AFAP1: variants seen among roughly 807,000 people sequenced by gnomAD.
The protein encoded by AFAP1 is actin filament associated protein 1.
AFAP1 carries 75 observed loss-of-function variants against 93.9 expected under a neutral mutation model. The observed-to-expected ratio is 0.80, with a 90% CI of 0.66 to 0.97. The LOEUF is 0.97. Ranked by LOEUF, AFAP1 falls within the 50% of genes least tolerant of loss-of-function variation. AFAP1 has a pLI of 0.00. For synonymous variants in AFAP1, 517 were observed against 430.7 expected (o/e 1.20, Z -2.48); for missense variants, 1,201 against 1,050.8 (o/e 1.14, Z -1.98).
intron 6 of AFAP1, among the ~76,000 whole-genome samples, chr4:7,834,939 T>C (rs4328916): frequency 0.21 from 30,561 of 144,858 alleles, 2,025 homozygotes; most frequent in African/African-American, 0.3. Flanking sequence ...TGGGTGGCTC[T>C]TGAATGGACT....
chr4:7,806,734 T>C (rs1257063081), intron 9 of AFAP1, among the ~76,000 whole-genome samples: 1 of 152,224 alleles, frequency 6.6e-6, no homozygotes, highest in Non-Finnish European at 1.5e-5. Flanking sequence ...ATGACAGCTT[T>C]AAAATCTTGT....
intron 12 of AFAP1, among the ~76,000 whole-genome samples, chr4:7,785,105 A>T (rs903850746): frequency 6.6e-6 from 1 of 152,184 alleles, no homozygotes; most frequent in Non-Finnish European, 1.5e-5. Context: ...TCCTTCATTC[A>T]TCTGCTAACT....
At chr4:7,844,674 C>T (rs888262368) in intron 4 of AFAP1, among the ~76,000 whole-genome samples, 9 of 152,180 alleles carry the variant, frequency 5.9e-5, no homozygotes, top group Non-Finnish European at 1.2e-4. Flanking sequence ...TAGAAGGAAG[C>T]GCGTTAAATG....
intron 6 of AFAP1, among the ~76,000 whole-genome samples, chr4:7,827,568 C>CAAAAAAAAAAAAAAAAAAAA (rs1560183870): frequency 7.5e-5 from 1 of 13,392 alleles, no homozygotes; most frequent in African/African-American, 7.3e-4. Flanking sequence ...AACTCTGTCT[C>CAAAAAAAAAAAAAAAAAAAA]CAAAAAAAAA....
At chr4:7,882,999 A>C (rs951774061) in intron 1 of AFAP1, among the ~76,000 whole-genome samples, 2 of 152,044 alleles carry the variant, frequency 1.3e-5, no homozygotes, top group African/African-American at 2.4e-5. Flanking sequence ...AGCCCAGACA[A>C]CATGGTAAAA....
chr4:7,855,047 G>A (rs1034068896), intron 4 of AFAP1, among the ~76,000 whole-genome samples: 3 of 152,186 alleles, frequency 2.0e-5, no homozygotes, highest in African/African-American at 7.2e-5. Context: ...TGTTTGTGCT[G>A]TACCCAATTA....
At position 7,872,071 on chromosome 4, in the gene AFAP1, T is replaced by A; in HGVS notation, c.8A>T (p.Glu3Val). Reference protein sequence around the residue: MEELIVELRLFLE... With the variant: MEVLIVELRLFLE... ...AAAGAGACGAAGTTCAACTATTAACTCTTCCATTGCTGACAACAAAAGAGG... is the reference window on the plus strand; with the variant it reads ...AAAGAGACGAAGTTCAACTATTAACACTTCCATTGCTGACAACAAAAGAGG... The change falls in exon 2 of 18, where the codon GAG becomes GTG. Residue 3 changes from glutamate to valine, a missense_variant. By Grantham distance (121) the Glu-to-Val change is moderately radical. Transcript: ENST00000420658. 6.2e-7 allele frequency: 1 copy of A among 1,613,942 alleles called. No individual in the cohort carries two copies. The highest frequency in any genetic ancestry group is 8.5e-7 in the Non-Finnish European group (1 of 1,180,006).
At chr4:7,923,133 G>A (rs1047848933) in intron 1 of AFAP1, among the ~76,000 whole-genome samples, 2 of 72,288 alleles carry the variant, frequency 2.8e-5, no homozygotes, top group African/African-American at 1.2e-4. Context: ...ATTATAAGAA[G>A]ACAAGACTCA....
At chr4:7,904,025 C>A (rs1034703164) in intron 1 of AFAP1, among the ~76,000 whole-genome samples, 1 of 151,730 alleles carries the variant, frequency 6.6e-6, no homozygotes, top group African/African-American at 2.4e-5. Flanking sequence ...TGCCTGCACA[C>A]GTGCAAACTG....
At chr4:7,856,181 T>C (rs1163764227) in intron 3 of AFAP1, among the ~76,000 whole-genome samples, 1 of 152,204 alleles carries the variant, frequency 6.6e-6, no homozygotes, top group Non-Finnish European at 1.5e-5. Flanking sequence ...GGAGCCACTT[T>C]CTAAAACAAA....
chr4:7,905,189 A>G (rs1348196399), intron 1 of AFAP1, among the ~76,000 whole-genome samples: 1 of 152,248 alleles, frequency 6.6e-6, no homozygotes, highest in Non-Finnish European at 1.5e-5. Flanking sequence ...AAGAAAGAGC[A>G]AGATGCATAC....
chr4:7,922,490 A>G (rs2149238048), intron 1 of AFAP1, among the ~76,000 whole-genome samples: 1 of 152,324 alleles, frequency 6.6e-6, no homozygotes, highest in Middle Eastern at 3.4e-3. Flanking sequence ...ATAAGAACAT[A>G]GGCGAAGAAG....
intron 1 of AFAP1, among the ~76,000 whole-genome samples, chr4:7,891,743 TAAAAAAA>T (rs778916445): frequency 2.9e-4 from 18 of 62,804 alleles, no homozygotes; most frequent in African/African-American, 9.6e-4. Flanking sequence ...ATGGTCTCAT[TAAAAAAA>T]AAAAAAAAAA....
In AFAP1 at chr4:7,846,311, TACA is replaced by T. The variant is rs753791104; in HGVS notation, c.335-2964_335-2962del. Among the ~76,000 whole-genome samples the T allele has an allele frequency of 1.2e-4, 19 of 152,342 alleles. No individual in the cohort carries two copies. In the South Asian group the frequency reaches 3.1e-3, roughly 25 times the overall value. On this transcript the variant is annotated intron_variant, in intron 4 of 17. Coordinates refer to ENST00000420658, the MANE Select transcript of AFAP1 (RefSeq NM_001134647.2). ...TATGCACTTTCTGGTAAATGTATTT[TACA>T]ACAAGAGGGTTTTTAAAACAGTAAG...
intron 6 of AFAP1, among the ~76,000 whole-genome samples, chr4:7,821,274 C>T (rs1378474268): frequency 6.6e-6 from 1 of 152,194 alleles, no homozygotes; most frequent in African/African-American, 2.4e-5. Context: ...GTGAGATCCG[C>T]TATGGAAGAA....
At chr4:7,920,510 T>A (rs1182124905) in intron 1 of AFAP1, among the ~76,000 whole-genome samples, 2 of 152,182 alleles carry the variant, frequency 1.3e-5, no homozygotes, top group Non-Finnish European at 2.9e-5. Context: ...GCTGTAACTA[T>A]AATAAATGAA....
intron 1 of AFAP1, among the ~76,000 whole-genome samples, chr4:7,922,210 G>A (rs113352662): frequency 0.021 from 3,246 of 152,258 alleles, 121 homozygotes; most frequent in African/African-American, 0.074. Flanking sequence ...TTGCTCCATC[G>A]CTCATATTAC....
chr4:7,868,845 A>G (rs1447389771), intron 2 of AFAP1, 126 bp from the exon 3 acceptor site: 1 of 797,262 alleles, frequency 1.3e-6, no homozygotes, highest in Non-Finnish European at 2.0e-6. Context: ...CTAATCCTTT[A>G]CAACAGTCCT....
chr4:7,820,572 G>A (rs576181434), intron 6 of AFAP1, among the ~76,000 whole-genome samples: 1 of 152,312 alleles, frequency 6.6e-6, no homozygotes, highest in South Asian at 2.1e-4. Flanking sequence ...TCTCCAAGGA[G>A]AGGGAGAAGA....
Sources: gnomAD v4.1 joint callset for allele counts (sites outside exome capture counted in the v4.1 genomes callset) on GRCh38, gnomAD v4.1.1 for gene constraint, MANE v1.5 for transcripts, NCBI Gene and HGNC (gene_info 2026-07-23, HGNC 2026-07-21) for gene names.